Variants in SPRY3 observed in about 807,000 individuals in gnomAD.
The protein encoded by SPRY3 is sprouty RTK signaling antagonist 3, also known as protein sprouty homolog 3.
A neutral mutation model predicts 20.2 loss-of-function variants in SPRY3; 15 were observed. The observed-to-expected ratio is 0.74, with a 90% CI of 0.50 to 1.14. SPRY3 has a LOEUF of 1.14. Ranked by LOEUF, SPRY3 falls within the 50% of genes most tolerant of loss-of-function variation. The pLI is 0.00. For synonymous variants in SPRY3, 143 were observed against 136.5 expected, an observed-to-expected ratio of 1.05 and a Z score of -0.33; for missense variants, 364 against 363.9, an observed-to-expected ratio of 1.00 and a Z score of 0.00.
chrX:155,725,316 G>A (rs2091089754), intron 2 of SPRY3, among the ~76,000 whole-genome samples: 1 of 152,142 alleles, frequency 6.6e-6, no homozygotes, highest in South Asian at 2.1e-4. Flanking sequence ...TTGGTATCAG[G>A]ATGATGCTGA....
At chrX:155,778,923 G>A (rs1223818910), downstream of SPRY3, 2 of 166,998 alleles carry the variant, frequency 1.2e-5, no homozygotes, top group African/African-American at 2.4e-5. Context: ...AGCTATGTAC[G>A]ATCCAGGGTA....
At chrX:155,682,176 G>C (rs1432057760) in intron 2 of SPRY3, among the ~76,000 whole-genome samples, 2 of 111,850 alleles carry the variant, frequency 1.8e-5, no homozygotes, top group African/African-American at 6.5e-5. Flanking sequence ...AAAATCCTTG[G>C]GCCCTGAAGA....
chrX:155,732,930 C>T (rs2091143570), intron 2 of SPRY3, among the ~76,000 whole-genome samples: 1 of 151,860 alleles, frequency 6.6e-6, no homozygotes, highest in Non-Finnish European at 1.5e-5. Context: ...TTTTTATTTT[C>T]ACTTAGTCAT....
chrX:155,724,624 A>G (rs1269177048), intron 2 of SPRY3, among the ~76,000 whole-genome samples: 1 of 152,120 alleles, frequency 6.6e-6, no homozygotes, highest in Non-Finnish European at 1.5e-5. Flanking sequence ...TTGGTGTATA[A>G]GAATGCTTGT....
intron 2 of SPRY3, among the ~76,000 whole-genome samples, chrX:155,718,025 T>C (rs1309160603): frequency 6.6e-6 from 1 of 152,188 alleles, no homozygotes; most frequent in South Asian, 2.1e-4. Context: ...TTGAGCTGAA[T>C]GGGAGTGGCC....
chrX:155,719,297 AGC>A (rs2091041213), intron 2 of SPRY3, among the ~76,000 whole-genome samples: 1 of 152,170 alleles, frequency 6.6e-6, no homozygotes, highest in African/African-American at 2.4e-5. Flanking sequence ...GGAAATCACC[AGC>A]CCTAATGGTC....
chrX:155,748,656 T>C (rs2091241651), intron 2 of SPRY3, among the ~76,000 whole-genome samples: 1 of 151,812 alleles, frequency 6.6e-6, no homozygotes, highest in Non-Finnish European at 1.5e-5. Context: ...GGCTATCATA[T>C]TGGGAATCAG....
chrX:155,733,721 A>G, intron 2 of SPRY3, among the ~76,000 whole-genome samples: 1 of 152,232 alleles, frequency 6.6e-6, no homozygotes, highest in East Asian at 1.9e-4. Flanking sequence ...ATATTCTTCC[A>G]ACAGAAGACT....
intron 2 of SPRY3, among the ~76,000 whole-genome samples, chrX:155,663,124 A>T (rs782190420): frequency 4.4e-5 from 5 of 112,446 alleles, no homozygotes; most frequent in Non-Finnish European, 7.5e-5. Flanking sequence ...TATAAATGAG[A>T]TGGATAAGCA....
chrX:155,771,653 A>G (rs757567194), intron 3 of SPRY3, among the ~76,000 whole-genome samples: 1 of 152,278 alleles, frequency 6.6e-6, no homozygotes, highest in East Asian at 1.9e-4. Flanking sequence ...CATACCCTCC[A>G]AGCCAAATGA....
At chrX:155,781,324 G>T (rs2091461908), downstream of SPRY3, 1 of 167,026 alleles carries the variant, frequency 6.0e-6, no homozygotes, top group Non-Finnish European at 1.5e-5. Flanking sequence ...CTGAGTCAAA[G>T]TGGTGTTGTA....
intron 2 of SPRY3, among the ~76,000 whole-genome samples, chrX:155,741,091 C>G (rs2091202552): frequency 6.6e-6 from 1 of 152,024 alleles, no homozygotes; most frequent in Admixed American, 6.6e-5. Flanking sequence ...TGCAAAAAAG[C>G]TAAGAATCAT....
At chrX:155,713,390 A>G (rs183521480) in intron 2 of SPRY3, among the ~76,000 whole-genome samples, 1 of 152,168 alleles carries the variant, frequency 6.6e-6, no homozygotes, top group East Asian at 1.9e-4. Flanking sequence ...TTTGTAGGAC[A>G]GGTCTGGAGT....
chrX:155,778,622 C>A (rs970818096), downstream of SPRY3: 4 of 167,120 alleles, frequency 2.4e-5, no homozygotes, highest in East Asian at 5.8e-4. Flanking sequence ...ATATTGAGAG[C>A]GCTCTTCTGA....
At chrX:155,618,488 C>T (rs2067861143) in intron 1 of SPRY3, among the ~76,000 whole-genome samples, 1 of 111,574 alleles carries the variant, frequency 9.0e-6, no homozygotes, top group African/African-American at 3.3e-5. Context: ...TATGAGCATT[C>T]TTGTACACAT....
intron 2 of SPRY3, among the ~76,000 whole-genome samples, chrX:155,734,180 C>A (rs890852649): frequency 2.4e-4 from 36 of 152,092 alleles, no homozygotes; most frequent in Non-Finnish European, 2.8e-4. Context: ...GTCTTTTTTA[C>A]TAAGCTTTAT....
At chrX:155,704,293 A>T (rs1358445394) in intron 2 of SPRY3, among the ~76,000 whole-genome samples, 1 of 151,872 alleles carries the variant, frequency 6.6e-6, no homozygotes, top group Non-Finnish European at 1.5e-5. Flanking sequence ...TAGATGGGTA[A>T]TTTCTGCAGA....
intron 2 of SPRY3, among the ~76,000 whole-genome samples, chrX:155,704,497 G>C (rs763849907): frequency 6.6e-6 from 1 of 151,760 alleles, no homozygotes; most frequent in Non-Finnish European, 1.5e-5. Context: ...AAAAAAGAAT[G>C]AGGAAAAGAA....
chrX:155,692,171 AATGGGTACAGCTTTATATTTTAC>A (rs2068104109), intron 2 of SPRY3, among the ~76,000 whole-genome samples: 1 of 109,516 alleles, frequency 9.1e-6, no homozygotes, highest in African/African-American at 3.4e-5. Flanking sequence ...GGGAATAGTA[AATGGGTACAGCTTTATATTTTAC>A]ATTTAGCTCC....
Sources: allele counts gnomAD v4.1 joint callset (sites outside exome capture counted in the v4.1 genomes callset), GRCh38; gene constraint gnomAD v4.1.1; transcripts MANE v1.5; gene names NCBI Gene and HGNC (gene_info 2026-07-23, HGNC 2026-07-21).